Variants in COL19A1 observed in about 807,000 individuals in gnomAD.
The protein encoded by COL19A1 is collagen alpha-1(XIX) chain.
A neutral mutation model predicts 190.2 loss-of-function variants in COL19A1; 159 were observed. The ratio of observed to expected loss-of-function variants is 0.84; its 90% CI spans 0.73 to 0.95. The LOEUF (loss-of-function observed/expected upper bound fraction) is 0.95, where lower values mean the gene tolerates loss of function less well. Ranked by LOEUF, COL19A1 falls within the 40% of genes least tolerant of loss-of-function variation. The probability of loss-of-function intolerance (pLI) is 0.00; values close to 1 mark genes in which losing one functional copy is unlikely to be tolerated. For synonymous variants in COL19A1, 509 were observed against 458.9 expected, an observed-to-expected ratio of 1.11 and a Z score of -1.39; for missense variants, 1,418 against 1,431.9, an observed-to-expected ratio of 0.99 and a Z score of 0.16.
Position 69,998,346 on chromosome 6 carries a change from A to G in COL19A1, c.1027-25281A>G, listed in dbSNP as rs542781421. Among the ~76,000 whole-genome samples the G allele has an allele frequency of 9.2e-5, 14 of 152,124 alleles. No homozygotes were observed. The East Asian group carries it at 1.9e-3, about 21-fold the overall frequency. On this transcript the variant is annotated intron_variant, in intron 11 of 50. Coordinates refer to ENST00000620364, the MANE Select transcript of COL19A1 (RefSeq NM_001858.6). ...TTTTAATGTTTTCATTATTTCACATAGAAACTTCATCCCTTTAGCCAGGCT... is the reference window on the plus strand; with the variant it reads ...TTTTAATGTTTTCATTATTTCACATGGAAACTTCATCCCTTTAGCCAGGCT...
intron 16 of COL19A1, among the ~76,000 whole-genome samples, chr6:70,103,886 T>C (rs1410916297): frequency 6.6e-6 from 1 of 152,134 alleles, no homozygotes. Flanking sequence ...CTATAGCATG[T>C]GATTATTGTT....
intron 16 of COL19A1, among the ~76,000 whole-genome samples, chr6:70,121,179 T>C (rs1056607978): frequency 6.6e-6 from 1 of 152,188 alleles, no homozygotes; most frequent in Non-Finnish European, 1.5e-5. Context: ...TGTTTTTTTA[T>C]GGCCCTCACC....
intron 12 of COL19A1, among the ~76,000 whole-genome samples, chr6:70,030,975 A>G (rs1407900617): frequency 6.6e-6 from 1 of 152,214 alleles, no homozygotes; most frequent in East Asian, 1.9e-4. Context: ...TTGCTGCCAA[A>G]GTGGTTTGTG....
At chr6:69,994,701 C>A (rs1026144722) in intron 11 of COL19A1, among the ~76,000 whole-genome samples, 2 of 152,226 alleles carry the variant, frequency 1.3e-5, no homozygotes, top group East Asian at 3.9e-4. Flanking sequence ...GGATGTGGCA[C>A]CAGTTCCAAA....
intron 14 of COL19A1, among the ~76,000 whole-genome samples, chr6:70,037,590 A>G (rs770388200): frequency 3.9e-5 from 6 of 152,188 alleles, no homozygotes; most frequent in Non-Finnish European, 7.4e-5. Context: ...TGCTCATTTT[A>G]TGTAAGACAC....
At chr6:70,165,134 T>C (rs1765067643) in intron 36 of COL19A1, among the ~76,000 whole-genome samples, 1 of 152,182 alleles carries the variant, frequency 6.6e-6, no homozygotes, top group Non-Finnish European at 1.5e-5. Context: ...ATGAGGCTAT[T>C]ATTCTGAGAG....
chr6:69,922,848 T>C (rs1772080997), intron 4 of COL19A1, among the ~76,000 whole-genome samples: 2 of 152,134 alleles, frequency 1.3e-5, no homozygotes, highest in South Asian at 4.1e-4. Flanking sequence ...CTGTCTTTCA[T>C]TTGCTGGATC....
intron 4 of COL19A1, among the ~76,000 whole-genome samples, chr6:69,918,132 T>A (rs566423767): frequency 9.9e-5 from 15 of 152,266 alleles, no homozygotes; most frequent in Admixed American, 3.3e-4. Flanking sequence ...TCAGATCACA[T>A]CATACCTTAT....
In COL19A1 at chr6:69,962,864, T is replaced by C. The variant is rs1774883305; in HGVS notation, c.1020T>C (p.Gly340=). The C allele has an allele frequency of 4.4e-6, 7 of 1,606,642 alleles. No individual in the cohort carries two copies. The highest frequency in any genetic ancestry group is 1.7e-4 in the Middle Eastern group (1 of 6,054). The change falls in exon 11 of 51, where the codon GGT becomes GGC. Residue 340 remains glycine (G), a synonymous_variant. Transcript: ENST00000620364. ...TTGAAGGCAGCAAAGGAGAAACTGGTGAAAAGGTAAATATCTCTTTTTACA... is the reference window on the plus strand; with the variant it reads ...TTGAAGGCAGCAAAGGAGAAACTGGCGAAAAGGTAAATATCTCTTTTTACA... ...QGFEGSKGET[G]EKGEQGEKGD...
chr6:69,906,459 A>G (rs1231369925), intron 4 of COL19A1, among the ~76,000 whole-genome samples: 1 of 152,156 alleles, frequency 6.6e-6, no homozygotes, highest in Non-Finnish European at 1.5e-5. Flanking sequence ...CATTAAAAAA[A>G]AGAGGGAGGG....
intron 41 of COL19A1, among the ~76,000 whole-genome samples, chr6:70,175,820 G>T (rs1323579170): frequency 6.6e-6 from 1 of 152,096 alleles, no homozygotes; most frequent in Non-Finnish European, 1.5e-5. Flanking sequence ...ACATTGTCTT[G>T]CTCTCCAAGA....
intron 8 of COL19A1, among the ~76,000 whole-genome samples, chr6:69,937,199 A>G (rs1773168726): frequency 6.6e-6 from 1 of 152,168 alleles, no homozygotes; most frequent in Non-Finnish European, 1.5e-5. Flanking sequence ...AGTACTTAGC[A>G]TGTGCCAGGA....
chr6:69,870,861 A>G (rs1241792813), intron 1 of COL19A1, among the ~76,000 whole-genome samples: 4 of 152,248 alleles, frequency 2.6e-5, no homozygotes, highest in East Asian at 3.8e-4. Context: ...GAAAGTTGGT[A>G]TGGATTCAAA....
rs147315382 is a variant in COL19A1 at position 69,922,136 on chromosome 6, AT to A, written c.267-5764del. On this transcript the variant is annotated intron_variant, in intron 4 of 50. Coordinates refer to ENST00000620364, the MANE Select transcript of COL19A1 (RefSeq NM_001858.6). Reference sequence around the variant, plus strand: ...CAACAAGCATAGTTTGTAAGAGTAGATTTTTTTTTAATATTTTATTTTTAAA... The same window carrying A: ...CAACAAGCATAGTTTGTAAGAGTAGATTTTTTTTAATATTTTATTTTTAAA... Among the ~76,000 whole-genome samples, 6 of 151,540 alleles carry A rather than the reference AT, an allele frequency of 4.0e-5. No individual in the cohort carries two copies. The East Asian group carries it at 7.7e-4, about 20-fold the overall frequency.
intron 5 of COL19A1, among the ~76,000 whole-genome samples, chr6:69,928,766 C>T (rs1772559719): frequency 1.3e-5 from 2 of 152,018 alleles, no homozygotes; most frequent in Admixed American, 6.6e-5. Flanking sequence ...GGCACTCCAG[C>T]GAGGGGAGAG....
At chr6:69,958,096 G>A (rs1774539929) in intron 9 of COL19A1, among the ~76,000 whole-genome samples, 1 of 152,034 alleles carries the variant, frequency 6.6e-6, no homozygotes, top group Non-Finnish European at 1.5e-5. Flanking sequence ...GAGAGTTTTG[G>A]TACCCAATTA....
chr6:69,918,764 A>G (rs1771491077), intron 4 of COL19A1, among the ~76,000 whole-genome samples: 1 of 152,134 alleles, frequency 6.6e-6, no homozygotes, highest in African/African-American at 2.4e-5. Flanking sequence ...GATGGGTTAG[A>G]TAGGATGGGG....
intron 15 of COL19A1, among the ~76,000 whole-genome samples, chr6:70,088,896 A>G (rs1782744175): frequency 6.6e-6 from 1 of 152,306 alleles, no homozygotes; most frequent in South Asian, 2.1e-4. Flanking sequence ...TCATTAAAGT[A>G]GTAAAAAATC....
At chr6:69,960,538 G>A (rs1334885425) in intron 10 of COL19A1, among the ~76,000 whole-genome samples, 2 of 151,674 alleles carry the variant, frequency 1.3e-5, no homozygotes, top group Admixed American at 1.3e-4. Flanking sequence ...TTCCTAATAA[G>A]CAAGGAGTTT....
Sources: allele counts gnomAD v4.1 joint callset (sites outside exome capture counted in the v4.1 genomes callset), GRCh38; gene constraint gnomAD v4.1.1; transcripts MANE v1.5; gene names NCBI Gene and HGNC (gene_info 2026-07-23, HGNC 2026-07-21).